The following CBFA2T2 variants were observed in gnomAD, a reference collection of about 807,000 sequenced individuals.
The protein encoded by CBFA2T2 is CBFA2/RUNX1 partner transcriptional co-repressor 2, also known as protein CBFA2T2.
Under a neutral mutation model 62.2 loss-of-function variants are expected in CBFA2T2, and 11 were observed. The ratio of observed to expected loss-of-function variants is 0.18; its 90% CI spans 0.11 to 0.29. The LOEUF is 0.29. Among genes scored for constraint, CBFA2T2 ranks in the 10% least tolerant of loss-of-function variants. The pLI is 1.00. For synonymous variants in CBFA2T2, 295 were observed against 287.5 expected, an observed-to-expected ratio of 1.03 and a Z score of -0.27; for missense variants, 592 against 774.1, an observed-to-expected ratio of 0.76 and a Z score of 2.79.
chr20:33,571,655 CTT>C (rs1396429336), intron 1 of CBFA2T2, among the ~76,000 whole-genome samples: 2 of 152,216 alleles, frequency 1.3e-5, no homozygotes, highest in African/African-American at 4.8e-5. Flanking sequence ...TATCTGGTCA[CTT>C]TGCATATTTA....
intron 1 of CBFA2T2, among the ~76,000 whole-genome samples, chr20:33,547,213 TA>T (rs2012599726): frequency 6.6e-6 from 1 of 150,778 alleles, no homozygotes; most frequent in African/African-American, 2.4e-5. Flanking sequence ...AAGAAAAAAA[TA>T]AAAAAGACCG....
intron 1 of CBFA2T2, chr20:33,574,080 T>A (rs2013705072): frequency 4.2e-6 from 6 of 1,430,122 alleles, no homozygotes; most frequent in Non-Finnish European, 4.7e-6. Context: ...AGAGCCACCA[T>A]ACCAGTTCCT....
chr20:33,584,509 G>A (rs1047873429), intron 1 of CBFA2T2, among the ~76,000 whole-genome samples: 12 of 145,290 alleles, frequency 8.3e-5, no homozygotes, highest in East Asian at 6.3e-4. Flanking sequence ...TGCCCGTCTC[G>A]GCCTCCCAAA....
At chr20:33,601,295 C>T (rs980247428) in intron 1 of CBFA2T2, among the ~76,000 whole-genome samples, 4 of 151,966 alleles carry the variant, frequency 2.6e-5, no homozygotes, top group African/African-American at 7.3e-5. Flanking sequence ...GACAGAGTCT[C>T]GCTCTGTCGC....
intron 1 of CBFA2T2, among the ~76,000 whole-genome samples, chr20:33,577,216 CTAAG>C (rs1316120606): frequency 3.3e-5 from 5 of 152,104 alleles, no homozygotes; most frequent in African/African-American, 9.7e-5. Context: ...TGTGCCTATA[CTAAG>C]TATTTATCCA....
chr20:33,613,223 A>T (rs2015590801), intron 3 of CBFA2T2, among the ~76,000 whole-genome samples: 1 of 152,232 alleles, frequency 6.6e-6, no homozygotes, highest in Admixed American at 6.5e-5. Context: ...ATAGTGTCAT[A>T]TTGTAGGAAT....
At chr20:33,531,993 A>G (rs2012075148) in intron 1 of CBFA2T2, among the ~76,000 whole-genome samples, 1 of 152,184 alleles carries the variant, frequency 6.6e-6, no homozygotes, top group African/African-American at 2.4e-5. Flanking sequence ...GAACATACAC[A>G]AAGTAGATGG....
intron 1 of CBFA2T2, among the ~76,000 whole-genome samples, chr20:33,548,826 T>A (rs1375482231): frequency 6.6e-6 from 1 of 152,062 alleles, no homozygotes; most frequent in Non-Finnish European, 1.5e-5. Flanking sequence ...CATGGTGGCA[T>A]TCTTCTGGAG....
chr20:33,627,447 A>T (rs1297978043), intron 6 of CBFA2T2, among the ~76,000 whole-genome samples: 1 of 152,086 alleles, frequency 6.6e-6, no homozygotes. Context: ...CAGTGGGGGA[A>T]AAAACTGGCT....
At chr20:33,533,993 AAACAACAAC>A (rs1002376968) in intron 1 of CBFA2T2, among the ~76,000 whole-genome samples, 1 of 152,128 alleles carries the variant, frequency 6.6e-6, no homozygotes, top group Non-Finnish European at 1.5e-5. Context: ...TCCATCTCAG[AAACAACAAC>A]AACAGCAACA....
chr20:33,492,072 C>T (rs1311592739), intron 1 of CBFA2T2, among the ~76,000 whole-genome samples: 2 of 151,868 alleles, frequency 1.3e-5, no homozygotes, highest in South Asian at 2.1e-4. Context: ...TTAGTAGAGA[C>T]GGTTTTACCA....
chr20:33,492,866 G>A (rs2011158384), intron 1 of CBFA2T2, among the ~76,000 whole-genome samples: 1 of 151,832 alleles, frequency 6.6e-6, no homozygotes, highest in Non-Finnish European at 1.5e-5. Context: ...TACACTTGGT[G>A]TAGTACTCAG....
chr20:33,560,438 A>C (rs2013042594), intron 1 of CBFA2T2, among the ~76,000 whole-genome samples: 1 of 152,216 alleles, frequency 6.6e-6, no homozygotes, highest in African/African-American at 2.4e-5. Context: ...TTGAGACAAT[A>C]ATACCTACCT....
chr20:33,498,528 T>C (rs1471719972), intron 1 of CBFA2T2, among the ~76,000 whole-genome samples: 1 of 151,862 alleles, frequency 6.6e-6, no homozygotes, highest in African/African-American at 2.4e-5. Flanking sequence ...GCTGGGATTA[T>C]AGGCGTGAGC....
At chr20:33,561,252 G>A (rs896151239) in intron 1 of CBFA2T2, among the ~76,000 whole-genome samples, 1 of 151,810 alleles carries the variant, frequency 6.6e-6, no homozygotes, top group Non-Finnish European at 1.5e-5. Flanking sequence ...GAGCTCAAGC[G>A]ACCTGACCAC....
intron 3 of CBFA2T2, 24 bp downstream of exon 3, chr20:33,611,359 C>T (rs747918606): frequency 6.2e-7 from 1 of 1,608,638 alleles, no homozygotes; most frequent in Non-Finnish European, 8.5e-7. Flanking sequence ...CACTGTTGTT[C>T]TCAGCTGCCT....
At chr20:33,619,421 A>G (rs1353653895) in intron 3 of CBFA2T2, 96 bp from the exon 4 acceptor site, 5 of 634,080 alleles carry the variant, frequency 7.9e-6, no homozygotes, top group African/African-American at 7.8e-5. Flanking sequence ...AAATAAATAA[A>G]TAAATAACAT....
At chr20:33,515,480 A>G (rs886505362) in intron 1 of CBFA2T2, among the ~76,000 whole-genome samples, 2 of 151,662 alleles carry the variant, frequency 1.3e-5, no homozygotes, top group African/African-American at 4.8e-5. Flanking sequence ...TCTACCTATT[A>G]TTTATTCTGT....
intron 1 of CBFA2T2, among the ~76,000 whole-genome samples, chr20:33,544,598 A>G (rs2012484976): frequency 6.6e-6 from 1 of 151,760 alleles, no homozygotes; most frequent in Admixed American, 6.6e-5. Flanking sequence ...CCCAGGCTGG[A>G]GCGTAGTGGC....
Sources: gnomAD v4.1 joint callset for allele counts (sites outside exome capture counted in the v4.1 genomes callset) on GRCh38, gnomAD v4.1.1 for gene constraint, MANE v1.5 for transcripts, NCBI Gene and HGNC (gene_info 2026-07-23, HGNC 2026-07-21) for gene names.